The following SLC38A12 variants were observed in gnomAD, a reference collection of about 807,000 sequenced individuals.
The protein encoded by SLC38A12 is solute carrier family 38 member 12.
the SLC38A12 span, among the ~76,000 whole-genome samples, chr17:74,830,852 G>A: frequency 1.3e-5 from 2 of 152,198 alleles, no homozygotes; most frequent in Admixed American, 1.3e-4. Flanking sequence ...GGGAGTGGCT[G>A]TGGCCCAGGT....
At chr17:74,813,127 T>C in the SLC38A12 span, among the ~76,000 whole-genome samples, 1 of 152,182 alleles carries the variant, frequency 6.6e-6, no homozygotes, top group Non-Finnish European at 1.5e-5. Context: ...CCCACTTCAG[T>C]TCCAAGCCTT....
chr17:74,833,077 G>A, the SLC38A12 span, among the ~76,000 whole-genome samples: 3 of 152,228 alleles, frequency 2.0e-5, no homozygotes, highest in Non-Finnish European at 2.9e-5. Context: ...AGGCTGAAGT[G>A]CAGTGGCACA....
the SLC38A12 span, chr17:74,837,207 C>G: frequency 1.0e-6 from 1 of 985,752 alleles, no homozygotes; most frequent in East Asian, 1.1e-4. Context: ...AGGGCCCACC[C>G]TCCCACCAGG....
chr17:74,799,234 G>T, the SLC38A12 span, among the ~76,000 whole-genome samples: 1 of 152,262 alleles, frequency 6.6e-6, no homozygotes, highest in African/African-American at 2.4e-5. Context: ...AGAGCAAGCG[G>T]CATCTACCGC....
At chr17:74,838,520 T>G in the SLC38A12 span, 3 of 1,049,966 alleles carry the variant, frequency 2.9e-6, no homozygotes, top group Non-Finnish European at 3.4e-6. Context: ...AAAGCCCAGG[T>G]TGATTTATGT....
chr17:74,828,619 T>C, the SLC38A12 span, among the ~76,000 whole-genome samples: 2 of 152,120 alleles, frequency 1.3e-5, no homozygotes, highest in African/African-American at 4.8e-5. Context: ...CCTCTGATGG[T>C]GGCCCAGGAC....
the SLC38A12 span, among the ~76,000 whole-genome samples, chr17:74,810,840 C>G: frequency 2.0e-5 from 3 of 152,262 alleles, no homozygotes. Flanking sequence ...GGCAAATAAG[C>G]TGTGACAGTG....
chr17:74,838,138 G>A, the SLC38A12 span: 1 of 985,768 alleles, frequency 1.0e-6, no homozygotes, highest in Non-Finnish European at 1.2e-6. Flanking sequence ...TGCCCTGGCA[G>A]CTGAAGCCTG....
chr17:74,837,007 C>G, the SLC38A12 span: 1 of 1,143,180 alleles, frequency 8.7e-7, no homozygotes. Context: ...ACCCTACTTC[C>G]AGGGCGGGCT....
At chr17:74,813,650 G>A in the SLC38A12 span, among the ~76,000 whole-genome samples, 3 of 152,066 alleles carry the variant, frequency 2.0e-5, no homozygotes, top group Non-Finnish European at 4.4e-5. Context: ...ACAGGCACCC[G>A]CCACCACGCC....
At chr17:74,804,941 C>G in the SLC38A12 span, among the ~76,000 whole-genome samples, 1 of 152,204 alleles carries the variant, frequency 6.6e-6, no homozygotes, top group Non-Finnish European at 1.5e-5. Flanking sequence ...GAAAGTGTTT[C>G]TCAAGATCTG....
At chr17:74,781,601 C>T in the SLC38A12 span, among the ~76,000 whole-genome samples, 2 of 152,190 alleles carry the variant, frequency 1.3e-5, no homozygotes, top group Non-Finnish European at 2.9e-5. Flanking sequence ...TTTCTTATGC[C>T]TCTTTGCTTT....
At chr17:74,784,494 CAGAAAGGTTGATACTAAG>C in the SLC38A12 span, among the ~76,000 whole-genome samples, 1 of 151,950 alleles carries the variant, frequency 6.6e-6, no homozygotes, top group African/African-American at 2.4e-5. Flanking sequence ...TTGAGGTCTG[CAGAAAGGTTGATACTAAG>C]AGAAATACAC....
chr17:74,806,112 G>A, the SLC38A12 span, among the ~76,000 whole-genome samples: 2 of 152,182 alleles, frequency 1.3e-5, no homozygotes, highest in Non-Finnish European at 2.9e-5. Context: ...TTTTTCCCAA[G>A]GGAGCTGAGG....
chr17:74,836,559 T>G, the SLC38A12 span: 2 of 1,613,382 alleles, frequency 1.2e-6, no homozygotes, highest in Admixed American at 1.7e-5. This position sits in a 1 kb window ranked among gnomAD's most constrained non-coding sequence, Gnocchi z 4.2. Flanking sequence ...GGCCTTTGGC[T>G]GTGGGGTCAG....
the SLC38A12 span, among the ~76,000 whole-genome samples, chr17:74,829,126 C>CT: frequency 6.6e-6 from 1 of 151,878 alleles, no homozygotes; most frequent in Non-Finnish European, 1.5e-5. This position sits in a 1 kb window ranked among gnomAD's most constrained non-coding sequence, Gnocchi z 4.1. Flanking sequence ...CACGCTAAGT[C>CT]TTTTTTTTCT....
chr17:74,780,285 G>A, the SLC38A12 span, among the ~76,000 whole-genome samples: 1 of 152,334 alleles, frequency 6.6e-6, no homozygotes, highest in Non-Finnish European at 1.5e-5. Flanking sequence ...TCTGCCCCAT[G>A]CAGGTCATGA....
the SLC38A12 span, among the ~76,000 whole-genome samples, chr17:74,803,485 G>A: frequency 6.6e-6 from 1 of 152,196 alleles, no homozygotes; most frequent in African/African-American, 2.4e-5. Context: ...CTTCCAGGCA[G>A]GGCTCAGTGG....
the SLC38A12 span, among the ~76,000 whole-genome samples, chr17:74,794,110 A>G: frequency 2.2e-4 from 33 of 152,354 alleles, no homozygotes; most frequent in Non-Finnish European, 4.0e-4. Context: ...CCCTTAGGTC[A>G]TAGGGCCCTG....
Sources: allele counts gnomAD v4.1 joint callset (sites outside exome capture counted in the v4.1 genomes callset), GRCh38; gene constraint gnomAD v4.1.1; non-coding constraint Gnocchi (gnomAD v3.1); transcripts MANE v1.5; gene names NCBI Gene and HGNC (gene_info 2026-07-23, HGNC 2026-07-21).